ALDH7A1: variants seen among roughly 807,000 people sequenced by gnomAD.
ALDH7A1 encodes the protein aldehyde dehydrogenase 7 family member A1.
A neutral mutation model predicts 79.9 loss-of-function variants in ALDH7A1; 63 were observed. That is an observed-to-expected ratio of 0.79 (90% CI 0.64 to 0.97). The LOEUF (loss-of-function observed/expected upper bound fraction) is 0.97. Among genes scored for constraint, ALDH7A1 ranks in the 50% least tolerant of loss-of-function variants. The pLI is 0.00. For missense variants in ALDH7A1, 627 were observed against 665.2 expected (o/e 0.94, Z 0.63); for synonymous variants, 240 against 231.2 (o/e 1.04, Z -0.34).
chr5:126,568,827 G>C (rs1398569123), intron 8 of ALDH7A1: 1 of 182,952 alleles, frequency 5.5e-6, no homozygotes, highest in East Asian at 1.3e-4. Context: ...GCTGAGGTAG[G>C]AGGATCACTT....
chr5:126,582,486 T>C (rs540983355), intron 5 of ALDH7A1, among the ~76,000 whole-genome samples: 1 of 152,342 alleles, frequency 6.6e-6, no homozygotes, highest in South Asian at 2.1e-4. Context: ...TTTTTATTGA[T>C]GCCACAATGA....
rs1392176571 is a variant in ALDH7A1, at chr5:126,560,883, G to A, written c.913+200C>T. On this transcript the variant is annotated intron_variant, in intron 10 of 17. Coordinates refer to ENST00000409134, the MANE Select transcript of ALDH7A1 (RefSeq NM_001182.5). ...ATCCCAGGTAACATGTTCTAAACAT[G>A]AATACCTTTCCTTCCTAGTTACCTC... Among the ~76,000 whole-genome samples, 2 of 152,124 alleles carry A rather than the reference G, an allele frequency of 1.3e-5. 1 individual carries two copies. The highest frequency in any genetic ancestry group is 2.9e-5 in the Non-Finnish European group (2 of 68,012).
intron 3 of ALDH7A1, chr5:126,592,069 G>C (rs1349017980): frequency 1.3e-5 from 2 of 154,582 alleles, no homozygotes; most frequent in Non-Finnish European, 2.9e-5. Context: ...GAGTAGGCTG[G>C]ATTACACGCG....
chr5:126,551,512 G>A (rs376998179), intron 14 of ALDH7A1, among the ~76,000 whole-genome samples: 10 of 151,900 alleles, frequency 6.6e-5, no homozygotes, highest in Middle Eastern at 3.4e-3. Context: ...TAGTAGAGAC[G>A]GGGTTTCACC....
At chr5:126,583,732 C>T (rs952218324) in intron 4 of ALDH7A1, among the ~76,000 whole-genome samples, 200 bp downstream of exon 4, 4 of 151,228 alleles carry the variant, frequency 2.6e-5, no homozygotes, top group South Asian at 2.1e-4. Flanking sequence ...CCCAGCTACT[C>T]GGGAGGCTCA....
intron 16 of ALDH7A1, 79 bp from the exon 17 acceptor site, chr5:126,546,478 T>C: frequency 1.5e-6 from 2 of 1,310,070 alleles, no homozygotes; most frequent in Non-Finnish European, 2.2e-6. Flanking sequence ...GAAAAGAAGA[T>C]ACCAAAAGGA....
intron 1 of ALDH7A1, chr5:126,594,185 G>A (rs1751659222): frequency 4.2e-6 from 2 of 470,960 alleles, no homozygotes; most frequent in Non-Finnish European, 8.8e-6. Flanking sequence ...GGGCAATGGA[G>A]AAATGCTGAA....
Position 126,575,923 on chromosome 5 carries a change from A to T in ALDH7A1, c.651-459T>A, listed in dbSNP as rs1219325423. On this transcript the variant is annotated intron_variant, in intron 6 of 17. Coordinates refer to ENST00000409134, the MANE Select transcript of ALDH7A1 (RefSeq NM_001182.5). ...CTGAAAGAGCTCGGGGCTAGTTCCC[A>T]CCAAACCATGTCGGTCAGAAAATAT... Among the ~76,000 whole-genome samples the T allele has an allele frequency of 2.6e-5, 4 of 152,208 alleles. No individual in the cohort carries two copies. In the East Asian group the frequency reaches 7.7e-4, roughly 29 times the overall value.
chr5:126,548,979 C>T (rs1035288753), intron 16 of ALDH7A1, among the ~76,000 whole-genome samples: 10 of 136,358 alleles, frequency 7.3e-5, no homozygotes, highest in South Asian at 2.3e-4. Context: ...GAGGCTGAGG[C>T]GAGAGGAATG....
At chr5:126,589,840 G>A (rs1371752764) in intron 3 of ALDH7A1, among the ~76,000 whole-genome samples, 1 of 150,276 alleles carries the variant, frequency 6.7e-6, no homozygotes, top group African/African-American at 2.5e-5. Context: ...CTGCCCAGCT[G>A]CCGCCCCATC....
At chr5:126,553,626 C>T (rs1385228192) in intron 13 of ALDH7A1, among the ~76,000 whole-genome samples, 1 of 151,940 alleles carries the variant, frequency 6.6e-6, no homozygotes, top group Non-Finnish European at 1.5e-5. Flanking sequence ...ACAGGAGAAT[C>T]GCTTGAACCT....
In ALDH7A1 at chr5:126,593,387, G is replaced by T; in HGVS notation, c.210C>A (p.Cys70Ter). ...GGRGEVITTYCPANNEPIARV... is the reference protein window; with the variant it reads ...GGRGEVITTY ...TTGCTATTGGCTCGTTGTTAGCAGG[G>T]CAATAGGTCGTAATAACCTTAAAAC... The change falls in exon 2 of 18, where the codon TGC becomes TGA. Residue 70 changes from cysteine (C) to a stop codon, truncating the protein, a stop_gained. Coordinates refer to ENST00000409134, the MANE Select transcript of ALDH7A1 (RefSeq NM_001182.5). LOFTEE classifies it high-confidence loss of function. 6.2e-7 allele frequency: 1 copy of T among 1,613,324 alleles called. No homozygotes were observed. The highest frequency in any genetic ancestry group is 8.5e-7 in the Non-Finnish European group (1 of 1,179,968).
At chr5:126,572,804 G>A (rs1486009288) in intron 7 of ALDH7A1, among the ~76,000 whole-genome samples, 1 of 152,154 alleles carries the variant, frequency 6.6e-6, no homozygotes, top group Non-Finnish European at 1.5e-5. Flanking sequence ...CTGTATGATT[G>A]TGACAAGAAC....
chr5:126,550,319 T>A, intron 14 of ALDH7A1, 26 bp from the exon 15 acceptor site: 1 of 1,535,416 alleles, frequency 6.5e-7, no homozygotes, highest in Non-Finnish European at 9.0e-7. Context: ...TTGGAAGCTG[T>A]AAGATGTTAT....
intron 8 of ALDH7A1, chr5:126,570,074 T>C (rs1020193481): frequency 2.0e-5 from 3 of 152,412 alleles, no homozygotes; most frequent in African/African-American, 4.8e-5. Flanking sequence ...ATTACATTTA[T>C]ACAAAATGTC....
At chr5:126,546,462 A>T in intron 16 of ALDH7A1, 63 bp from the exon 17 acceptor site, 3 of 1,489,408 alleles carry the variant, frequency 2.0e-6, no homozygotes, top group Non-Finnish European at 2.8e-6. Context: ...CATAGTTGGT[A>T]TCAATGAAAA....
intron 3 of ALDH7A1, among the ~76,000 whole-genome samples, chr5:126,590,965 G>A (rs1191893453): frequency 1.3e-5 from 2 of 151,156 alleles, no homozygotes; most frequent in Non-Finnish European, 2.9e-5. Flanking sequence ...TACACACCAT[G>A]TATATATGGA....
At chr5:126,564,654 C>G in intron 9 of ALDH7A1, 5 of 887,784 alleles carry the variant, frequency 5.6e-6, no homozygotes. Flanking sequence ...CTACCAAAAG[C>G]CACCAAATGC....
Position 126,551,490 on chromosome 5 carries a change from T to G in ALDH7A1, c.1317+531A>C, listed in dbSNP as rs975134525. Among the ~76,000 whole-genome samples, 3 of 152,004 alleles carry G rather than the reference T, an allele frequency of 2.0e-5. No individual in the cohort carries two copies. The East Asian group carries it at 5.8e-4, about 30-fold the overall frequency. ...GCGCCCAACACCACGCCTGGCTAATTTTTTTGTTTTTTAGTAGAGACGGGG... is the reference window on the plus strand; with the variant it reads ...GCGCCCAACACCACGCCTGGCTAATGTTTTTGTTTTTTAGTAGAGACGGGG... On this transcript the variant is annotated intron_variant, in intron 14 of 17. Coordinates refer to ENST00000409134, the MANE Select transcript of ALDH7A1 (RefSeq NM_001182.5).
Sources: allele counts gnomAD v4.1 joint callset (sites outside exome capture counted in the v4.1 genomes callset), GRCh38; gene constraint gnomAD v4.1.1; transcripts MANE v1.5; gene names NCBI Gene and HGNC (gene_info 2026-07-23, HGNC 2026-07-21).